SRF: variants seen among roughly 807,000 people sequenced by gnomAD.
The protein encoded by SRF is serum response factor.
In SRF, 7 loss-of-function variants were observed where a neutral mutation model predicts 37.1. The ratio of observed to expected loss-of-function variants is 0.19; its 90% CI spans 0.11 to 0.35. The LOEUF (loss-of-function observed/expected upper bound fraction) is 0.35. SRF is among the 10% of genes least tolerant of loss of function. The pLI is 1.00. For synonymous variants in SRF, 285 were observed against 310.1 expected, an observed-to-expected ratio of 0.92 and a Z score of 0.85; for missense variants, 395 against 694.4, an observed-to-expected ratio of 0.57 and a Z score of 4.85.
At position 43,178,305 on chromosome 6, in the gene SRF, GCC is replaced by G; in HGVS notation, c.1175_1176del (p.Ala392AspfsTer19). On this transcript the variant is annotated frameshift_variant, in exon 5 of 7. Transcript: ENST00000265354. LOFTEE classifies it high-confidence loss of function. The surrounding 1 kb of genome is among the most constrained non-coding windows in gnomAD (Gnocchi z 4.3). ...TCTGTGTTTGCCAGTGACGCTGCCC[GCC>G]ACCATCATGACGTCATCCGTGCCCA... ...TSSSGTVTLP[A>X]TIMTSSVPTT... is the part of the protein sequence containing the mutation. 2 of 1,593,130 alleles carry G rather than the reference GCC, an allele frequency of 1.3e-6. No homozygotes were observed. Among genetic ancestry groups the G allele is most frequent in the South Asian group, 2.2e-5 (2 of 89,542 alleles).
Position 43,171,931 on chromosome 6 carries a change from G to C in SRF, c.275G>C (p.Gly92Ala). Residue 92 changes from glycine to alanine, a missense_variant, in exon 1 of 7, where the codon GGC becomes GCC. This residue lies in a region of SRF where 134 missense variants were observed against 204.5 expected (regional missense o/e 0.66). Coordinates refer to ENST00000265354, the MANE Select transcript of SRF (RefSeq NM_003131.4). The surrounding 1 kb of genome is among the most constrained non-coding windows in gnomAD (Gnocchi z 6.5). The part of the protein sequence containing the change: ...DSESGEEEEL[G>A]AERRGLKRSL... Reference sequence around the variant, plus strand: ...GAGTCGGGCGAGGAGGAGGAGCTGGGCGCCGAGCGGCGCGGCCTGAAGCGG... The same window carrying C: ...GAGTCGGGCGAGGAGGAGGAGCTGGCCGCCGAGCGGCGCGGCCTGAAGCGG... 1 of 1,471,864 alleles carries C rather than the reference G, an allele frequency of 6.8e-7. No individual in the cohort carries two copies. The highest frequency in any genetic ancestry group is 9.0e-7 in the Non-Finnish European group (1 of 1,111,856). 91.2% of individuals were successfully genotyped at this position (1,471,864 alleles called of 1,614,324 possible).
At position 43,181,176 on chromosome 6, in the gene SRF, G is replaced by A. The variant is rs1245345805; in HGVS notation, c.*1986G>A. On this transcript the variant is annotated 3_prime_UTR_variant, in exon 7 of 7. Transcript: ENST00000265354. ...CTCCTTCCCACAAAAGACAGACCCA[G>A]TGAGTGAATCAGGCAAAGTGCTTAT... is the stretch of plus-strand genomic sequence containing the variant. The A allele has an allele frequency of 1.3e-5, 2 of 152,788 alleles. No individual in the cohort carries two copies. Among genetic ancestry groups the A allele is most frequent in the African/African-American group, 4.8e-5 (2 of 41,442 alleles). The allele number at this position is 152,788 out of a possible 1,614,324, so 9.5% of individuals were successfully genotyped here. A position where few individuals can be genotyped will look rare whatever the true frequency, so the allele number is the denominator to read the frequency against.
chr6:43,178,284 T>C lies in SRF; in HGVS notation c.1163-10T>C. 6.3e-7 allele frequency: 1 copy of C among 1,588,498 alleles called. No homozygotes were observed. Among genetic ancestry groups the C allele is most frequent in the Non-Finnish European group, 8.6e-7 (1 of 1,160,974 alleles). On this transcript the variant is annotated splice_polypyrimidine_tract_variant and intron_variant, in intron 4 of 6. Coordinates refer to ENST00000265354, the MANE Select transcript of SRF (RefSeq NM_003131.4). This position sits in a 1 kb window ranked among gnomAD's most constrained non-coding sequence, Gnocchi z 4.3. ...CCAGTGCCGAGCTGACACATGTCTG[T>C]GTTTGCCAGTGACGCTGCCCGCCAC...
intron 2 of SRF, among the ~76,000 whole-genome samples, chr6:43,175,105 C>T (rs1473648709): frequency 6.6e-6 from 1 of 152,190 alleles, no homozygotes; most frequent in Non-Finnish European, 1.5e-5. Context: ...TTCTCAAGAT[C>T]TCTCTCAAAC....
At position 43,172,157 on chromosome 6, in the gene SRF, C is replaced by T; in HGVS notation, c.501C>T (p.Gly167=). The change falls in exon 1 of 7, where the codon GGC becomes GGT. Residue 167 remains glycine, a synonymous_variant. Coordinates refer to ENST00000265354, the MANE Select transcript of SRF (RefSeq NM_003131.4). This position sits in a 1 kb window ranked among gnomAD's most constrained non-coding sequence, Gnocchi z 5.7. The part of the protein sequence containing the change: ...RYTTFSKRKT[G]IMKKAYELST... The stretch of plus-strand genomic sequence containing the variant: ...CGACCTTCAGCAAGAGGAAGACGGG[C>T]ATCATGAAGAAGGTACCAAGCCGGG... 6.2e-7 allele frequency: 1 copy of T among 1,610,856 alleles called. No homozygotes were observed. The highest frequency in any genetic ancestry group is 8.5e-7 in the Non-Finnish European group (1 of 1,179,648).
Position 43,180,840 on chromosome 6 carries a change from T to C in SRF, c.*1650T>C, listed in dbSNP as rs2150499603. 6.6e-6 allele frequency: 1 copy of C among 152,390 alleles called. No homozygotes were observed. The highest frequency in any genetic ancestry group is 2.4e-5 in the African/African-American group (1 of 41,568). 9.4% of individuals were successfully genotyped at this position (152,390 alleles called of 1,614,324 possible). A position where few individuals can be genotyped will look rare whatever the true frequency, so the allele number is the denominator to read the frequency against. Reference sequence around the variant, plus strand: ...ATGGGGGAAGATTTTATGCACAGCCTAGTTATCAAGGGGATGATTTGCCGA... The same window carrying C: ...ATGGGGGAAGATTTTATGCACAGCCCAGTTATCAAGGGGATGATTTGCCGA... On this transcript the variant is annotated 3_prime_UTR_variant, in exon 7 of 7. Coordinates refer to ENST00000265354, the MANE Select transcript of SRF (RefSeq NM_003131.4).
At position 43,178,886 on chromosome 6, in the gene SRF, G is replaced by A. The variant is rs369480035; in HGVS notation, c.1431+4G>A. On this transcript the variant is annotated splice_donor_region_variant and intron_variant, in intron 6 of 6. Coordinates refer to ENST00000265354, the MANE Select transcript of SRF (RefSeq NM_003131.4). The surrounding 1 kb of genome is among the most constrained non-coding windows in gnomAD (Gnocchi z 4.3). ...TTCAGCAGTTCAGCTCCACCAGGTA[G>A]GTAGGGATATCTTTCACCCCATCCC... 4 of 1,613,984 alleles carry A rather than the reference G, an allele frequency of 2.5e-6. No individual in the cohort carries two copies. Among genetic ancestry groups the A allele is most frequent in the African/African-American group, 1.3e-5 (1 of 74,938 alleles).
In SRF at chr6:43,176,537, G is replaced by A. The variant is rs760883275; in HGVS notation, c.1043-11G>A. 7.4e-6 allele frequency: 12 copies of A among 1,614,018 alleles called. No homozygotes were observed. The highest frequency in any genetic ancestry group is 3.3e-4 in the Middle Eastern group (2 of 6,060). On this transcript the variant is annotated splice_polypyrimidine_tract_variant and intron_variant, in intron 3 of 6. Transcript: ENST00000265354. This position sits in a 1 kb window ranked among gnomAD's most constrained non-coding sequence, Gnocchi z 4.0. Reference sequence around the variant, plus strand: ...TGGGACAGAGCACAAATAAGACTCTGTGTCTTGCAGGTGGGGCAGTGGCCC... The same window carrying A: ...TGGGACAGAGCACAAATAAGACTCTATGTCTTGCAGGTGGGGCAGTGGCCC...
rs1202871673 is a variant in SRF, at chr6:43,179,273, G to A, written c.*83G>A. On this transcript the variant is annotated 3_prime_UTR_variant, in exon 7 of 7. Coordinates refer to ENST00000265354, the MANE Select transcript of SRF (RefSeq NM_003131.4). This position sits in a 1 kb window ranked among gnomAD's most constrained non-coding sequence, Gnocchi z 5.3. ...CTTTTCACGTTTTCTTTACACACAC[G>A]TTGACGGGCCGCAGGAGGGAGGCGG... 31 of 1,453,200 alleles carry A rather than the reference G, an allele frequency of 2.1e-5. No individual in the cohort carries two copies. Among genetic ancestry groups the A allele is most frequent in the Non-Finnish European group, 2.7e-5 (28 of 1,049,892 alleles). The allele number at this position is 1,453,200 out of a possible 1,614,324, so 90.0% of individuals were successfully genotyped here. A position where few individuals can be genotyped will look rare whatever the true frequency, so the allele number is the denominator to read the frequency against.
rs757707235 is a variant in SRF, at chr6:43,175,733, A to G, written c.808A>G (p.Thr270Ala). The change falls in exon 3 of 7, where the codon ACC (threonine) becomes GCC (alanine). Residue 270 changes from threonine to alanine, a missense_variant. By Grantham distance (58) the Thr-to-Ala change is moderately conservative (BLOSUM62 0). Coordinates refer to ENST00000265354, the MANE Select transcript of SRF (RefSeq NM_003131.4). Reference sequence around the variant, plus strand: ...CACACTGAAGCCGGCGTTCACAGTCACCAACCTGCCGGGTACAACCTCCAC... The same window carrying G: ...CACACTGAAGCCGGCGTTCACAGTCGCCAACCTGCCGGGTACAACCTCCAC... The part of the protein sequence containing the change: ...KDTLKPAFTV[T>A]NLPGTTSTIQ... 6.2e-7 allele frequency: 1 copy of G among 1,614,152 alleles called. No individual in the cohort carries two copies. Among genetic ancestry groups the G allele is most frequent in the South Asian group, 1.1e-5 (1 of 91,086 alleles).
chr6:43,175,499 G>A (rs572040989), intron 2 of SRF, among the ~76,000 whole-genome samples: 1 of 152,128 alleles, frequency 6.6e-6, no homozygotes, highest in East Asian at 1.9e-4. Flanking sequence ...AGCAACCTAG[G>A]GGGTAGGTAT....
In SRF at chr6:43,179,140, G is replaced by A. The variant is rs1772258623; in HGVS notation, c.1477G>A (p.Glu493Lys). The change falls in exon 7 of 7, where the codon GAG (glutamate) becomes AAG (lysine). Residue 493 changes from glutamate to lysine, a missense_variant. Transcript: ENST00000265354. The surrounding 1 kb of genome is among the most constrained non-coding windows in gnomAD (Gnocchi z 5.3). ...GGCCGGGAGCAGCAGCAACCTCACC[G>A]AGCTACAGGTGGTGAACCTGGACAC... is the stretch of plus-strand genomic sequence containing the variant. The part of the protein sequence containing the change: ...QQAGSSSNLT[E>K]LQVVNLDTAH... 1 of 1,614,232 alleles carries A rather than the reference G, an allele frequency of 6.2e-7. No individual in the cohort carries two copies. Among genetic ancestry groups the A allele is most frequent in the Non-Finnish European group, 8.5e-7 (1 of 1,180,038 alleles).
Position 43,173,858 on chromosome 6 carries a change from G to A in SRF, c.525G>A (p.Leu175=). ...KTGIMKKAYE[L]STLTGTQVLL... is the part of the protein sequence containing the mutation. ...TCCTCACCCCTCAGGCCTATGAGCT[G>A]TCCACGCTGACAGGGACACAGGTGC... Residue 175 remains leucine, a synonymous_variant, in exon 2 of 7, where the codon CTG becomes CTA. Coordinates refer to ENST00000265354, the MANE Select transcript of SRF (RefSeq NM_003131.4). This position sits in a 1 kb window ranked among gnomAD's most constrained non-coding sequence, Gnocchi z 4.2. The A allele has an allele frequency of 6.2e-7, 1 of 1,614,088 alleles. No homozygotes were observed. The highest frequency in any genetic ancestry group is 8.5e-7 in the Non-Finnish European group (1 of 1,179,982).
Position 43,178,692 on chromosome 6 carries a change from C to T in SRF, c.1355-114C>T. ...CCTCAGACACACTGGCACCCTTTCC[C>T]TTGGGCTCTTACATCTGAGACTGCC... is the stretch of plus-strand genomic sequence containing the variant. On this transcript the variant is annotated intron_variant, in intron 5 of 6. Transcript: ENST00000265354. The surrounding 1 kb of genome is among the most constrained non-coding windows in gnomAD (Gnocchi z 4.3). The T allele has an allele frequency of 7.6e-7, 1 of 1,320,528 alleles. No homozygotes were observed. The highest frequency in any genetic ancestry group is 1.1e-6 in the Non-Finnish European group (1 of 922,710). 81.8% of individuals were successfully genotyped at this position (1,320,528 alleles called of 1,614,324 possible). A position where few individuals can be genotyped will look rare whatever the true frequency, so the allele number is the denominator to read the frequency against.
intron 2 of SRF, among the ~76,000 whole-genome samples, chr6:43,174,712 A>G (rs1242975896): frequency 6.6e-6 from 1 of 152,188 alleles, no homozygotes; most frequent in South Asian, 2.1e-4. Flanking sequence ...TCCGGGTGGC[A>G]CTTAACTGAC....
At chr6:43,177,905 A>G (rs997302534) in intron 4 of SRF, among the ~76,000 whole-genome samples, 1 of 145,542 alleles carries the variant, frequency 6.9e-6, no homozygotes, top group African/African-American at 2.6e-5. Context: ...ACAGAGTGAG[A>G]CTCCATCTCA....
Position 43,171,621 on chromosome 6 carries a change from C to A in SRF, c.-36C>A. ...GGCGGCTGCGGCGGCTCCGATTCCT[C>A]GCTGACTGCCCGTCCGCCCTCCTGC... On this transcript the variant is annotated 5_prime_UTR_variant, in exon 1 of 7. Coordinates refer to ENST00000265354, the MANE Select transcript of SRF (RefSeq NM_003131.4). The surrounding 1 kb of genome is among the most constrained non-coding windows in gnomAD (Gnocchi z 6.5). 2.4e-5 allele frequency: 29 copies of A among 1,191,790 alleles called. No individual in the cohort carries two copies. Among genetic ancestry groups the A allele is most frequent in the Non-Finnish European group, 2.9e-5 (28 of 960,802 alleles). 73.8% of individuals were successfully genotyped at this position (1,191,790 alleles called of 1,614,324 possible). A position where few individuals can be genotyped will look rare whatever the true frequency, so the allele number is the denominator to read the frequency against.
Position 43,172,186 on chromosome 6 carries a change from C to G in SRF, c.513+17C>G, listed in dbSNP as rs142415999. ...ATGAAGAAGGTACCAAGCCGGGGGG[C>G]TGGCCGGCCCCGGGGCCCGGTTGGG... On this transcript the variant is annotated intron_variant, in intron 1 of 6. Transcript: ENST00000265354. The surrounding 1 kb of genome is among the most constrained non-coding windows in gnomAD (Gnocchi z 5.7). 6.2e-7 allele frequency: 1 copy of G among 1,604,292 alleles called. No homozygotes were observed.
rs1173505839 is a variant in SRF at position 43,178,344 on chromosome 6, G to A, written c.1213G>A (p.Gly405Ser). 6.2e-7 allele frequency: 1 copy of A among 1,612,404 alleles called. No homozygotes were observed. Among genetic ancestry groups the A allele is most frequent in the Non-Finnish European group, 8.5e-7 (1 of 1,178,992 alleles). Residue 405 changes from glycine to serine, a missense_variant, in exon 5 of 7, where the codon GGC (glycine) becomes AGC (serine). By Grantham distance (56) the Gly-to-Ser change is moderately conservative. Transcript: ENST00000265354. This position sits in a 1 kb window ranked among gnomAD's most constrained non-coding sequence, Gnocchi z 4.3. Reference sequence around the variant, plus strand: ...GTCATCCGTGCCCACAACTGTGGGTGGCCACATGATGTACCCTAGCCCGCA... The same window carrying A: ...GTCATCCGTGCCCACAACTGTGGGTAGCCACATGATGTACCCTAGCCCGCA... ...MTSSVPTTVG[G>S]HMMYPSPHAV...
Sources: gnomAD v4.1 joint callset for allele counts (sites outside exome capture counted in the v4.1 genomes callset) on GRCh38, gnomAD v4.1.1 for gene constraint, gnomAD v4.1.1 regional missense constraint, Gnocchi (gnomAD v3.1) non-coding constraint, MANE v1.5 for transcripts, NCBI Gene and HGNC (gene_info 2026-07-23, HGNC 2026-07-21) for gene names.